Variants in PCDHGB3 observed in about 807,000 individuals in gnomAD.
PCDHGB3 encodes the protein protocadherin gamma-B3.
A neutral mutation model predicts 59.2 loss-of-function variants in PCDHGB3; 40 were observed. The observed-to-expected ratio is 0.68, with a 90% CI of 0.52 to 0.88. The LOEUF (loss-of-function observed/expected upper bound fraction) is 0.88. PCDHGB3 is among the 40% of genes least tolerant of loss of function. PCDHGB3 has a pLI of 0.00. For missense variants in PCDHGB3, 1,309 were observed against 1,187.9 expected, an observed-to-expected ratio of 1.10 and a Z score of -1.50; for synonymous variants, 581 against 503.6, an observed-to-expected ratio of 1.15 and a Z score of -2.06.
chr5:141,444,463 G>A (rs570185430), intron 1 of PCDHGB3, among the ~76,000 whole-genome samples: 10 of 152,026 alleles, frequency 6.6e-5, no homozygotes, highest in Admixed American at 1.3e-4. Context: ...GAGTCACTGC[G>A]CCCGGTCGCG....
intron 1 of PCDHGB3, among the ~76,000 whole-genome samples, chr5:141,468,963 C>G (rs951670777): frequency 1.3e-5 from 2 of 150,940 alleles, no homozygotes; most frequent in Admixed American, 6.6e-5. Context: ...TTTTTTTTAC[C>G]TTAGGCTTTT....
At chr5:141,413,406 G>A (rs2095636376) in intron 1 of PCDHGB3, 1 of 1,613,950 alleles carries the variant, frequency 6.2e-7, no homozygotes, top group Non-Finnish European at 8.5e-7. Context: ...GTAGGACGCA[G>A]CTTTTCTCTC....
chr5:141,415,740 GTTTTTTTTTTTTTTT>G (rs57426385), intron 1 of PCDHGB3: 171 of 625,014 alleles, frequency 2.7e-4, no homozygotes, highest in East Asian at 8.8e-4. Flanking sequence ...GTTTATTAAG[GTTTTTTTTTTTTTTT>G]TTTTTTTTTT....
rs750109717 is a variant in PCDHGB3, at chr5:141,490,546, A to C, written c.2416-4261A>C. 1.9e-6 allele frequency: 3 copies of C among 1,614,110 alleles called. No individual in the cohort carries two copies. Among genetic ancestry groups the C allele is most frequent in the Non-Finnish European group, 2.5e-6 (3 of 1,180,036 alleles). On this transcript the variant is annotated intron_variant, in intron 1 of 3. Transcript: ENST00000576222. The surrounding 1 kb of genome is among the most constrained non-coding windows in gnomAD (Gnocchi z 5.4). ...CGATGCTGGTTCACCTTCCCTACAC[A>C]AACATCTCACCATCAGGCTCAACAT...
Position 141,491,797 on chromosome 5 carries a change from G to C in PCDHGB3, c.2416-3010G>C, listed in dbSNP as rs537755017. The C allele has an allele frequency of 7.9e-5, 119 of 1,506,700 alleles. No homozygotes were observed. In the Admixed American group the frequency reaches 1.4e-3, roughly 18 times the overall value. 93.3% of individuals were successfully genotyped at this position (1,506,700 alleles called of 1,614,324 possible). On this transcript the variant is annotated intron_variant, in intron 1 of 3. Coordinates refer to ENST00000576222, the MANE Select transcript of PCDHGB3 (RefSeq NM_018924.5). The surrounding 1 kb of genome is among the most constrained non-coding windows in gnomAD (Gnocchi z 6.9). The stretch of plus-strand genomic sequence containing the variant: ...ATTGAACTTGCATCCACTCCTCTCC[G>C]GCCGGCTTGGTCGCTGGCTGCGCTC...
Position 141,431,690 on chromosome 5 carries a change from G to A in PCDHGB3, c.2415+58881G>A. 1.2e-6 allele frequency: 2 copies of A among 1,614,234 alleles called. No individual in the cohort carries two copies. Among genetic ancestry groups the A allele is most frequent in the Non-Finnish European group, 8.5e-7 (1 of 1,180,040 alleles). On this transcript the variant is annotated intron_variant, in intron 1 of 3. Coordinates refer to ENST00000576222, the MANE Select transcript of PCDHGB3 (RefSeq NM_018924.5). The surrounding 1 kb of genome is among the most constrained non-coding windows in gnomAD (Gnocchi z 4.8). ...AACAATAGGGGAGTTGGACCACGAG[G>A]AGTCAGGATTCTACCAGATGGAAGT... is the stretch of plus-strand genomic sequence containing the variant.
chr5:141,403,169 C>T, intron 1 of PCDHGB3: 13 of 1,614,016 alleles, frequency 8.1e-6, no homozygotes, highest in Non-Finnish European at 1.1e-5. Flanking sequence ...AGGTAGGACG[C>T]AGCTTTTCTC....
chr5:141,402,879 C>T, intron 1 of PCDHGB3: 1 of 1,471,232 alleles, frequency 6.8e-7, no homozygotes, highest in Non-Finnish European at 9.0e-7. Flanking sequence ...CCATACTTTG[C>T]AGGGTGGAAG....
Position 141,376,227 on chromosome 5 carries a change from G to T in PCDHGB3, c.2415+3418G>T, listed in dbSNP as rs1210093854. On this transcript the variant is annotated intron_variant, in intron 1 of 3. Coordinates refer to ENST00000576222, the MANE Select transcript of PCDHGB3 (RefSeq NM_018924.5). ...TTCGTCATCGTGCTGCTGGCGCTCA[G>T]ACTGCAGCGCTGGCACAAGTCACGC... The T allele has an allele frequency of 4.3e-6, 7 of 1,614,216 alleles. No homozygotes were observed. The South Asian group carries it at 7.7e-5, about 18-fold the overall frequency.
intron 1 of PCDHGB3, chr5:141,415,030 G>A (rs374572942): frequency 1.2e-6 from 2 of 1,613,460 alleles, no homozygotes; most frequent in African/African-American, 2.7e-5. Flanking sequence ...CAGCGAGCCG[G>A]GACTCTTCGC....
chr5:141,423,572 G>T (rs1239529114), intron 1 of PCDHGB3: 2 of 1,613,510 alleles, frequency 1.2e-6, no homozygotes, highest in African/African-American at 1.3e-5. Context: ...ACGCTCATCA[G>T]CCAGGAGAGC....
intron 1 of PCDHGB3, among the ~76,000 whole-genome samples, chr5:141,463,534 C>T (rs866525322): frequency 2.6e-4 from 39 of 148,938 alleles, no homozygotes; most frequent in Admixed American, 7.5e-4. Flanking sequence ...CTAGAAACTC[C>T]GGCTCCCGGG....
intron 1 of PCDHGB3, among the ~76,000 whole-genome samples, chr5:141,467,951 A>G (rs2099155044): frequency 6.6e-6 from 1 of 151,944 alleles, no homozygotes; most frequent in East Asian, 1.9e-4. Context: ...GAGCCACCAC[A>G]CCCGGCTGCC....
chr5:141,427,697 A>G (rs1306378691), intron 1 of PCDHGB3: 3 of 924,392 alleles, frequency 3.2e-6, no homozygotes, highest in South Asian at 1.4e-5. Context: ...CCATCCCACA[A>G]GTCAGCGCCT....
At chr5:141,456,148 C>G (rs1408257938) in intron 1 of PCDHGB3, among the ~76,000 whole-genome samples, 1 of 152,080 alleles carries the variant, frequency 6.6e-6, no homozygotes, top group African/African-American at 2.4e-5. Flanking sequence ...CCGCCCGCCT[C>G]GGCCTCCTAA....
At chr5:141,423,387 G>T (rs373190092) in intron 1 of PCDHGB3, 1 of 1,614,162 alleles carries the variant, frequency 6.2e-7, no homozygotes, top group Non-Finnish European at 8.5e-7. Context: ...TGTGGCGCTG[G>T]CATAAGTCAC....
intron 1 of PCDHGB3, chr5:141,390,115 G>A: frequency 1.2e-6 from 2 of 1,614,036 alleles, no homozygotes; most frequent in Non-Finnish European, 1.7e-6. Flanking sequence ...TACAGCGAGG[G>A]GACTTTGCCT....
intron 1 of PCDHGB3, chr5:141,382,771 A>G: frequency 1.3e-6 from 1 of 753,180 alleles, no homozygotes; most frequent in Non-Finnish European, 2.1e-6. Flanking sequence ...TCCAGGCTGC[A>G]CTAAACTCAA....
Position 141,485,660 on chromosome 5 carries a change from G to A in PCDHGB3, c.2416-9147G>A. On this transcript the variant is annotated intron_variant, in intron 1 of 3. Transcript: ENST00000576222. The surrounding 1 kb of genome is among the most constrained non-coding windows in gnomAD (Gnocchi z 5.7). ...GGAAAAGGCTCAGGATGCAGATGTG[G>A]GGAGCAATTCGATTAGCAGCTATAG... is the stretch of plus-strand genomic sequence containing the variant. 1 of 1,612,716 alleles carries A rather than the reference G, an allele frequency of 6.2e-7. No individual in the cohort carries two copies. Among genetic ancestry groups the A allele is most frequent in the Non-Finnish European group, 8.5e-7 (1 of 1,178,898 alleles).
Sources: gnomAD v4.1 joint callset for allele counts (sites outside exome capture counted in the v4.1 genomes callset) on GRCh38, gnomAD v4.1.1 for gene constraint, Gnocchi (gnomAD v3.1) non-coding constraint, MANE v1.5 for transcripts, NCBI Gene and HGNC (gene_info 2026-07-23, HGNC 2026-07-21) for gene names.